Variants in CDYL2 observed in about 807,000 individuals in gnomAD.
CDYL2 encodes chromodomain Y like 2, also known as chromodomain Y-like protein 2.
Under a neutral mutation model 49.4 loss-of-function variants are expected in CDYL2, and 23 were observed. The ratio of observed to expected loss-of-function variants is 0.47; its 90% confidence interval spans 0.34 to 0.66. The LOEUF is 0.66. Among genes scored for constraint, CDYL2 ranks in the 30% least tolerant of loss-of-function variants. The probability of loss-of-function intolerance (pLI) is 0.01; values close to 1 mark genes in which losing one functional copy is unlikely to be tolerated. For missense variants in CDYL2, 678 were observed against 656.4 expected (o/e 1.03, Z -0.36); for synonymous variants, 360 against 268.8 (o/e 1.34, Z -3.32).
intron 2 of CDYL2, among the ~76,000 whole-genome samples, chr16:80,660,337 A>G (rs79080985): frequency 0.026 from 3,941 of 152,114 alleles, 134 homozygotes; most frequent in African/African-American, 0.07. Context: ...GATGTGGAAG[A>G]GACATGTTCA....
chr16:80,646,557 A>T (rs1218624958), intron 2 of CDYL2, among the ~76,000 whole-genome samples: 1 of 152,152 alleles, frequency 6.6e-6, no homozygotes, highest in Non-Finnish European at 1.5e-5. Flanking sequence ...TTGGGAGGCC[A>T]AGGAAGGCAG....
rs1216586338 is a variant in CDYL2, at chr16:80,804,223, C to A, written c.-50G>T. 3 of 1,337,512 alleles carry A rather than the reference C, an allele frequency of 2.2e-6. No homozygotes were observed. In the African/African-American group the frequency reaches 4.7e-5, roughly 21 times the overall value. The allele number at this position is 1,337,512 out of a possible 1,614,324, so 82.9% of individuals were successfully genotyped here. On this transcript the variant is annotated 5_prime_UTR_variant, in exon 1 of 7. Coordinates refer to ENST00000570137, the MANE Select transcript of CDYL2 (RefSeq NM_152342.4). ...CGGTGTGCGCGTCTGCTCGCTCGCG[C>A]CCTCCGTGCGTGTGCGCGCGGGGTC...
intron 5 of CDYL2, among the ~76,000 whole-genome samples, chr16:80,610,180 G>C (rs923299906): frequency 6.6e-6 from 1 of 152,198 alleles, no homozygotes; most frequent in Non-Finnish European, 1.5e-5. Flanking sequence ...AACAAAAGCA[G>C]GACTTGAGAG....
At chr16:80,613,688 G>C (rs961635468) in intron 4 of CDYL2, among the ~76,000 whole-genome samples, 1 of 152,188 alleles carries the variant, frequency 6.6e-6, no homozygotes, top group Non-Finnish European at 1.5e-5. Flanking sequence ...CTTTGCCTCA[G>C]AAGGCTTTTT....
At chr16:80,610,566 T>C (rs1567538779) in intron 5 of CDYL2, among the ~76,000 whole-genome samples, 1 of 146,310 alleles carries the variant, frequency 6.8e-6, no homozygotes, top group Non-Finnish European at 1.5e-5. Flanking sequence ...AGGGTGTCCC[T>C]GGTGAAGACC....
chr16:80,644,918 G>T (rs4061956), intron 2 of CDYL2, among the ~76,000 whole-genome samples: 8 of 151,688 alleles, frequency 5.3e-5, no homozygotes, highest in East Asian at 3.9e-4. Flanking sequence ...AATGGTGCTG[G>T]GAAAACTGGC....
chr16:80,717,451 G>A (rs532647811), intron 1 of CDYL2, among the ~76,000 whole-genome samples: 34 of 152,360 alleles, frequency 2.2e-4, no homozygotes, highest in South Asian at 8.3e-4. Context: ...CACAGCCACT[G>A]CCACCAGGGA....
At chr16:80,725,402 G>T (rs1390362970) in intron 1 of CDYL2, among the ~76,000 whole-genome samples, 1 of 152,146 alleles carries the variant, frequency 6.6e-6, no homozygotes, top group Non-Finnish European at 1.5e-5. Context: ...GATTCATGGT[G>T]ACGATCCACT....
chr16:80,659,545 T>C (rs1444605925), intron 2 of CDYL2, among the ~76,000 whole-genome samples: 2 of 152,004 alleles, frequency 1.3e-5, no homozygotes, highest in Non-Finnish European at 2.9e-5. Flanking sequence ...TAATGTATAG[T>C]CTACACTCAG....
intron 3 of CDYL2, among the ~76,000 whole-genome samples, chr16:80,630,362 G>A (rs986804993): frequency 6.6e-6 from 1 of 152,162 alleles, no homozygotes; most frequent in African/African-American, 2.4e-5. Flanking sequence ...TACCACCCAG[G>A]GCTGCTCCAC....
intron 2 of CDYL2, among the ~76,000 whole-genome samples, chr16:80,635,208 T>C (rs1907763156): frequency 6.6e-6 from 1 of 152,162 alleles, no homozygotes; most frequent in Non-Finnish European, 1.5e-5. Context: ...AAAAACCATA[T>C]GATCATATCA....
At chr16:80,733,166 A>C (rs999302060) in intron 1 of CDYL2, among the ~76,000 whole-genome samples, 2 of 152,192 alleles carry the variant, frequency 1.3e-5, no homozygotes, top group African/African-American at 4.8e-5. Flanking sequence ...CCCTGGGAGA[A>C]GTATAGAGTT....
At chr16:80,657,015 A>T (rs1908842819) in intron 2 of CDYL2, among the ~76,000 whole-genome samples, 2 of 152,218 alleles carry the variant, frequency 1.3e-5, no homozygotes, top group Admixed American at 1.3e-4. Flanking sequence ...AGAGGCGAAC[A>T]CAAAACTATC....
chr16:80,660,244 A>T (rs1241481353), intron 2 of CDYL2, among the ~76,000 whole-genome samples: 2 of 152,142 alleles, frequency 1.3e-5, no homozygotes, highest in African/African-American at 4.8e-5. Context: ...ATAGATTTTT[A>T]AAATTTTAGT....
intron 1 of CDYL2, among the ~76,000 whole-genome samples, chr16:80,712,667 C>A (rs1351183918): frequency 1.3e-5 from 2 of 152,090 alleles, no homozygotes; most frequent in Non-Finnish European, 2.9e-5. Context: ...ACAATGGCCC[C>A]CAAAAGGTGC....
intron 1 of CDYL2, among the ~76,000 whole-genome samples, chr16:80,732,595 T>C (rs968528854): frequency 2.2e-4 from 33 of 152,236 alleles, no homozygotes; most frequent in African/African-American, 7.7e-4. Context: ...TTTACCCTTT[T>C]GCTCCTTTTG....
intron 1 of CDYL2, among the ~76,000 whole-genome samples, chr16:80,764,548 T>A (rs2549735): frequency 6.6e-6 from 1 of 152,122 alleles, no homozygotes; most frequent in Non-Finnish European, 1.5e-5. Context: ...TATAATAAAG[T>A]CTATGTTGCT....
intron 1 of CDYL2, among the ~76,000 whole-genome samples, chr16:80,696,998 A>G (rs971930406): frequency 3.3e-5 from 5 of 151,896 alleles, no homozygotes; most frequent in African/African-American, 1.2e-4. Context: ...ACATAGTGAT[A>G]TTTTGTTTCT....
rs768141056 is a variant in CDYL2, at chr16:80,620,882, T to C, written c.888A>G (p.Lys296=). 1.1e-5 allele frequency: 18 copies of C among 1,611,106 alleles called. No individual in the cohort carries two copies. The highest frequency in any genetic ancestry group is 1.5e-5 in the Non-Finnish European group (18 of 1,177,946). The change falls in exon 4 of 7, where the codon AAA becomes AAG. Residue 296 remains lysine (K), a synonymous_variant. Transcript: ENST00000570137. ...ALCNAATDDS[K]LLLLSAVGSV... ...TCCCCACTGCGCTGAGGAGCAGCAG[T>C]TTGCTGTCGTCTGTGGCTGCGTTGC...
Sources: allele counts gnomAD v4.1 joint callset (sites outside exome capture counted in the v4.1 genomes callset), GRCh38; gene constraint gnomAD v4.1.1; transcripts MANE v1.5; gene names NCBI Gene and HGNC (gene_info 2026-07-23, HGNC 2026-07-21).